Variants in CMSS1 observed in about 807,000 individuals in gnomAD.
CMSS1 encodes the protein protein CMSS1.
CMSS1 carries 33 observed loss-of-function variants against 43.5 expected under a neutral mutation model. That is an observed-to-expected ratio of 0.76 (90% CI 0.57 to 1.01). The LOEUF is 1.01. Among genes scored for constraint, CMSS1 ranks in the 50% least tolerant of loss-of-function variants. CMSS1 has a pLI of 0.00. For synonymous variants in CMSS1, 115 were observed against 117.2 expected, an observed-to-expected ratio of 0.98 and a Z score of 0.12; for missense variants, 313 against 326.4, an observed-to-expected ratio of 0.96 and a Z score of 0.32.
intron 1 of CMSS1, among the ~76,000 whole-genome samples, chr3:99,933,311 G>A (rs980197921): frequency 3.3e-5 from 5 of 152,174 alleles, no homozygotes; most frequent in African/African-American, 1.2e-4. Flanking sequence ...TGTGACAGTA[G>A]TTGTCACTGG....
chr3:99,972,832 T>C (rs76720187), intron 1 of CMSS1, among the ~76,000 whole-genome samples: 11,959 of 152,320 alleles, frequency 0.079, 556 homozygotes, highest in Admixed American at 0.11. Context: ...TTGGCATCTG[T>C]CTGATGCAGG....
At chr3:100,052,950 T>G (rs1311117519) in intron 1 of CMSS1, among the ~76,000 whole-genome samples, 1 of 152,216 alleles carries the variant, frequency 6.6e-6, no homozygotes, top group Non-Finnish European at 1.5e-5. Context: ...CTAAATAAGA[T>G]GAAATTTAGT....
intron 1 of CMSS1, among the ~76,000 whole-genome samples, chr3:100,060,812 A>G (rs1320375023): frequency 6.6e-6 from 1 of 152,204 alleles, no homozygotes; most frequent in East Asian, 1.9e-4. Context: ...CTAAGCCAAG[A>G]TCACACACCA....
intron 1 of CMSS1, among the ~76,000 whole-genome samples, chr3:99,941,085 T>A (rs1301164422): frequency 6.6e-6 from 1 of 152,248 alleles, no homozygotes; most frequent in East Asian, 1.9e-4. Context: ...AAGTTTAGTC[T>A]GAAACATTTG....
chr3:99,972,169 T>A (rs1484539224), intron 1 of CMSS1, among the ~76,000 whole-genome samples: 1 of 152,046 alleles, frequency 6.6e-6, no homozygotes, highest in African/African-American at 2.4e-5. Flanking sequence ...GGGAAAGATG[T>A]CATTCAAACC....
intron 1 of CMSS1, among the ~76,000 whole-genome samples, chr3:99,892,094 C>T (rs1466789802): frequency 6.6e-6 from 1 of 152,158 alleles, no homozygotes; most frequent in Non-Finnish European, 1.5e-5. Context: ...ATGCTTTTAC[C>T]AAACCTCTGT....
chr3:99,936,362 T>C (rs1707667516), intron 1 of CMSS1, among the ~76,000 whole-genome samples: 1 of 144,912 alleles, frequency 6.9e-6, no homozygotes, highest in South Asian at 2.2e-4. Context: ...GAACTGAAGC[T>C]TGAAGCCTTT....
At chr3:99,879,863 G>T (rs1404642934) in intron 1 of CMSS1, among the ~76,000 whole-genome samples, 1 of 152,142 alleles carries the variant, frequency 6.6e-6, no homozygotes, top group Non-Finnish European at 1.5e-5. Flanking sequence ...GAACAGAGTG[G>T]GAACAGACCC....
intron 1 of CMSS1, among the ~76,000 whole-genome samples, chr3:100,007,465 A>C (rs1372222396): frequency 1.3e-5 from 2 of 152,216 alleles, no homozygotes; most frequent in East Asian, 3.8e-4. Flanking sequence ...AAAAATGAGA[A>C]GATGAAATGA....
chr3:100,132,837 AAAAG>A (rs2066721025), intron 1 of CMSS1, among the ~76,000 whole-genome samples: 5 of 151,418 alleles, frequency 3.3e-5, no homozygotes, highest in Admixed American at 1.3e-4. Flanking sequence ...AAAAAAAAAA[AAAAG>A]AAAAAGTAAA....
chr3:100,011,677 T>G (rs192303611), intron 1 of CMSS1: 3 of 152,324 alleles, frequency 2.0e-5, no homozygotes, highest in Admixed American at 6.5e-5. Context: ...AGTTCATGTA[T>G]TAAACCAAAG....
At chr3:99,948,553 GAGA>G (rs976383111) in intron 1 of CMSS1, among the ~76,000 whole-genome samples, 2 of 145,168 alleles carry the variant, frequency 1.4e-5, no homozygotes, top group African/African-American at 5.1e-5. Flanking sequence ...GGGGGAGGGG[GAGA>G]AGAAGGAGAA....
At chr3:99,995,999 C>T (rs903085293) in intron 1 of CMSS1, among the ~76,000 whole-genome samples, 1 of 152,186 alleles carries the variant, frequency 6.6e-6, no homozygotes, top group African/African-American at 2.4e-5. Flanking sequence ...ACATTCGGCT[C>T]CTTGTTACTT....
At chr3:99,884,888 A>G (rs1218132120) in intron 1 of CMSS1, among the ~76,000 whole-genome samples, 1 of 152,006 alleles carries the variant, frequency 6.6e-6, no homozygotes, top group African/African-American at 2.4e-5. Context: ...TCCAGAAACT[A>G]TTTTTTTCCT....
intron 1 of CMSS1, among the ~76,000 whole-genome samples, chr3:99,966,173 T>A (rs1468338983): frequency 6.6e-6 from 1 of 152,208 alleles, no homozygotes; most frequent in Non-Finnish European, 1.5e-5. Flanking sequence ...GAGTAATTCC[T>A]TAGATAAGTT....
intron 1 of CMSS1, among the ~76,000 whole-genome samples, chr3:99,946,872 T>C (rs1708023731): frequency 6.6e-6 from 1 of 152,138 alleles, no homozygotes; most frequent in East Asian, 1.9e-4. Flanking sequence ...CCATCAAGGA[T>C]ACAGTCATTT....
chr3:99,857,587 C>A (rs1383082484), intron 1 of CMSS1, among the ~76,000 whole-genome samples: 1 of 152,224 alleles, frequency 6.6e-6, no homozygotes, highest in African/African-American at 2.4e-5. Flanking sequence ...TATCTATAAT[C>A]TGACCACCCT....
At position 99,818,027 on chromosome 3, in the gene CMSS1, A is replaced by G. The variant is rs1444519661; in HGVS notation, c.48A>G (p.Gly16=). The part of the protein sequence containing the change: ...GDEWWENQPT[G]AGSSPEASDG... ...AGTGGTGGGAGAACCAGCCGACTGG[A>G]GCAGGCAGCAGCCCAGGTACCCACT... The change falls in exon 1 of 10, where the codon GGA becomes GGG. Residue 16 remains glycine, a synonymous_variant. Transcript: ENST00000421999. The G allele has an allele frequency of 9.9e-6, 16 of 1,613,690 alleles. No individual in the cohort carries two copies. The highest frequency in any genetic ancestry group is 2.7e-5 in the African/African-American group (2 of 74,924).
At chr3:99,861,269 T>C (rs1944237952) in intron 1 of CMSS1, among the ~76,000 whole-genome samples, 1 of 152,184 alleles carries the variant, frequency 6.6e-6, no homozygotes, top group South Asian at 2.1e-4. Context: ...CAGGTAGATG[T>C]CCCCTTAATC....
Sources: gnomAD v4.1 joint callset for allele counts (sites outside exome capture counted in the v4.1 genomes callset) on GRCh38, gnomAD v4.1.1 for gene constraint, MANE v1.5 for transcripts, NCBI Gene and HGNC (gene_info 2026-07-23, HGNC 2026-07-21) for gene names.